MDGA2: variants seen among roughly 807,000 people sequenced by gnomAD.
The protein encoded by MDGA2 is MAM domain containing glycosylphosphatidylinositol anchor 2.
A neutral mutation model predicts 117.8 loss-of-function variants in MDGA2; 40 were observed. That is an observed-to-expected ratio of 0.34 (90% confidence interval 0.26 to 0.44). The LOEUF (loss-of-function observed/expected upper bound fraction) is 0.44, where lower values mean the gene tolerates loss of function less well. Ranked by LOEUF, MDGA2 falls within the 20% of genes least tolerant of loss-of-function variation. The pLI is 1.00. For synonymous variants in MDGA2, 452 were observed against 439.0 expected (o/e 1.03, Z -0.37); for missense variants, 1,123 against 1,250.6 (o/e 0.90, Z 1.54).
chr14:46,979,490 C>T (rs542957449), intron 8 of MDGA2, among the ~76,000 whole-genome samples: 2 of 152,240 alleles, frequency 1.3e-5, no homozygotes, highest in South Asian at 4.1e-4. Flanking sequence ...ATAGCTAAGC[C>T]TTTTGCTCCA....
intron 1 of MDGA2, among the ~76,000 whole-genome samples, chr14:47,324,704 G>A (rs191501994): frequency 6.6e-6 from 1 of 152,150 alleles, no homozygotes; most frequent in Admixed American, 6.5e-5. Context: ...TCTAGTATCA[G>A]TTGATTTATC....
intron 1 of MDGA2, among the ~76,000 whole-genome samples, chr14:47,630,898 C>T (rs968725528): frequency 2.0e-5 from 3 of 152,174 alleles, no homozygotes; most frequent in African/African-American, 7.2e-5. Context: ...AGTTGCTTTA[C>T]ATCTCTTTGC....
At chr14:47,343,083 A>C (rs963034260) in intron 1 of MDGA2, 14 of 1,274,452 alleles carry the variant, frequency 1.1e-5, no homozygotes, top group African/African-American at 9.2e-5. Flanking sequence ...TCATACTTGA[A>C]CATGGAAGCC....
intron 14 of MDGA2, chr14:46,872,073 G>T (rs192748158): frequency 6.5e-6 from 1 of 154,420 alleles, no homozygotes; most frequent in Non-Finnish European, 1.4e-5. Context: ...TAATACTGTT[G>T]GGTATGAGTT....
At position 47,204,209 on chromosome 14, in the gene MDGA2, C is replaced by G. The variant is rs145726694; in HGVS notation, c.595+13812G>C. 3.8e-3 allele frequency among the ~76,000 whole-genome samples: 571 copies of G among 152,044 alleles called. 6 individuals are homozygous for G. Among genetic ancestry groups the G allele is most frequent in the African/African-American group, 0.013 (534 of 41,514 alleles). ...CAATATTACCATTCTTGTCTTAGAA[C>G]AACACTACATGTTTAACTTACAAGA... On this transcript the variant is annotated intron_variant, in intron 3 of 16. Transcript: ENST00000399232.
intron 9 of MDGA2, among the ~76,000 whole-genome samples, chr14:46,933,380 T>C (rs1884652706): frequency 6.6e-6 from 1 of 152,008 alleles, no homozygotes; most frequent in Non-Finnish European, 1.5e-5. Flanking sequence ...TGACAAGTAC[T>C]TTATGAATTG....
chr14:47,359,046 A>C (rs1891055316), intron 1 of MDGA2, among the ~76,000 whole-genome samples: 1 of 152,150 alleles, frequency 6.6e-6, no homozygotes, highest in Admixed American at 6.5e-5. Flanking sequence ...TGAAGACATC[A>C]TATGTCCTAA....
intron 8 of MDGA2, among the ~76,000 whole-genome samples, chr14:47,022,922 A>G (rs551749964): frequency 6.6e-6 from 1 of 152,326 alleles, no homozygotes; most frequent in Admixed American, 6.5e-5. Flanking sequence ...ATTTCCAAAT[A>G]GAACAATGCT....
intron 8 of MDGA2, among the ~76,000 whole-genome samples, chr14:46,994,470 G>A (rs1016684677): frequency 1.3e-5 from 2 of 151,664 alleles, no homozygotes; most frequent in African/African-American, 2.4e-5. Context: ...GGGCAGAAGT[G>A]CTTGGATGAC....
chr14:47,243,563 G>C (rs950805885), intron 2 of MDGA2, among the ~76,000 whole-genome samples: 1 of 151,412 alleles, frequency 6.6e-6, no homozygotes, highest in African/African-American at 2.4e-5. Flanking sequence ...GAGCCCACCA[G>C]GAGGAACGAG....
intron 1 of MDGA2, among the ~76,000 whole-genome samples, chr14:47,327,650 A>T (rs770985454): frequency 6.6e-6 from 1 of 152,226 alleles, no homozygotes; most frequent in Non-Finnish European, 1.5e-5. Context: ...TTCACATCGT[A>T]TAATGCAAAT....
intron 1 of MDGA2, among the ~76,000 whole-genome samples, chr14:47,559,840 T>C (rs1016887896): frequency 2.0e-5 from 3 of 152,170 alleles, no homozygotes; most frequent in African/African-American, 4.8e-5. Context: ...CCCAAAGTGC[T>C]GGGATTACAG....
chr14:46,940,852 A>C (rs1390924927), intron 9 of MDGA2, among the ~76,000 whole-genome samples: 1 of 152,150 alleles, frequency 6.6e-6, no homozygotes, highest in Non-Finnish European at 1.5e-5. Flanking sequence ...CTGAATATGA[A>C]TGTGCTGAAT....
chr14:47,105,621 CA>C (rs1880614998), intron 5 of MDGA2, among the ~76,000 whole-genome samples: 1 of 151,930 alleles, frequency 6.6e-6, no homozygotes. Context: ...TTCCATCCTG[CA>C]AAATCGAAAT....
At chr14:47,172,899 G>GA (rs929089080) in intron 3 of MDGA2, among the ~76,000 whole-genome samples, 3 of 152,118 alleles carry the variant, frequency 2.0e-5, no homozygotes, top group Middle Eastern at 3.4e-3. Flanking sequence ...TAAAAACTTC[G>GA]AAAAAAATTT....
At chr14:47,055,171 G>C (rs1889630555) in intron 7 of MDGA2, among the ~76,000 whole-genome samples, 1 of 151,872 alleles carries the variant, frequency 6.6e-6, no homozygotes, top group South Asian at 2.1e-4. Context: ...AGCTGTCATT[G>C]TCAGATTGAT....
chr14:47,555,743 C>T (rs934716533), intron 1 of MDGA2, among the ~76,000 whole-genome samples: 11 of 152,270 alleles, frequency 7.2e-5, no homozygotes, highest in African/African-American at 1.7e-4. Flanking sequence ...GACAAAAACT[C>T]CACTAGATTT....
intron 1 of MDGA2, among the ~76,000 whole-genome samples, chr14:47,611,640 C>T (rs1342510746): frequency 6.6e-6 from 1 of 152,100 alleles, no homozygotes; most frequent in African/African-American, 2.4e-5. Flanking sequence ...AAATGCCAAT[C>T]AAAACCACAA....
Position 47,079,771 on chromosome 14 carries a change from G to A in MDGA2, c.1195+17083C>T, listed in dbSNP as rs1438738062. ...TTTTGAGACAGAGTCTCGCTCTGTCGCCCAGGCTGGAGTGCAGTGGCGCAA... is the reference window on the plus strand; with the variant it reads ...TTTTGAGACAGAGTCTCGCTCTGTCACCCAGGCTGGAGTGCAGTGGCGCAA... On this transcript the variant is annotated intron_variant, in intron 6 of 16. Coordinates refer to ENST00000399232, the MANE Select transcript of MDGA2 (RefSeq NM_001113498.3). Among the ~76,000 whole-genome samples, 20 of 109,690 alleles carry A rather than the reference G, an allele frequency of 1.8e-4. No individual in the cohort carries two copies. In the East Asian group the frequency reaches 4.7e-3, roughly 26 times the overall value. The allele number at this position is 109,690 out of a possible 152,430, so 72.0% of individuals were successfully genotyped here.
Sources: gnomAD v4.1 joint callset for allele counts (sites outside exome capture counted in the v4.1 genomes callset) on GRCh38, gnomAD v4.1.1 for gene constraint, MANE v1.5 for transcripts, NCBI Gene and HGNC (gene_info 2026-07-23, HGNC 2026-07-21) for gene names.